The following MYO16 variants were observed in gnomAD, a reference collection of about 807,000 sequenced individuals.
MYO16 encodes the protein unconventional myosin-XVI.
MYO16 carries 94 observed loss-of-function variants against 205.3 expected under a neutral mutation model. The ratio of observed to expected loss-of-function variants is 0.46; its 90% CI spans 0.39 to 0.54. The LOEUF is 0.54. Ranked by LOEUF, MYO16 falls within the 20% of genes least tolerant of loss-of-function variation. The probability of loss-of-function intolerance (pLI) is 0.00; values close to 1 mark genes in which losing one functional copy is unlikely to be tolerated. For synonymous variants in MYO16, 988 were observed against 954.0 expected, an observed-to-expected ratio of 1.04 and a Z score of -0.66; for missense variants, 2,315 against 2,387.5, an observed-to-expected ratio of 0.97 and a Z score of 0.63.
At chr13:108,991,011 A>G (rs778053120) in intron 20 of MYO16, among the ~76,000 whole-genome samples, 2 of 152,210 alleles carry the variant, frequency 1.3e-5, no homozygotes, top group Non-Finnish European at 2.9e-5. Flanking sequence ...TCCTATAAGA[A>G]CTATAATAAT....
intron 28 of MYO16, among the ~76,000 whole-genome samples, chr13:109,103,623 T>C (rs1889037618): frequency 6.6e-6 from 1 of 152,232 alleles, no homozygotes; most frequent in Admixed American, 6.5e-5. Context: ...AGGTTTTCTC[T>C]TCTCTCTTTA....
At chr13:109,192,434 C>CATT (rs1476958945) in intron 34 of MYO16, among the ~76,000 whole-genome samples, 1 of 152,176 alleles carries the variant, frequency 6.6e-6, no homozygotes, top group African/African-American at 2.4e-5. Flanking sequence ...TTTGTACCCA[C>CATT]ATTATTTGTT....
chr13:108,549,058 G>A, the MYO16 span, among the ~76,000 whole-genome samples: 6 of 152,182 alleles, frequency 3.9e-5, no homozygotes, highest in African/African-American at 1.2e-4. Flanking sequence ...GCAGGGATTT[G>A]GAGAGAATCT....
chr13:108,997,408 GAGGAAAGGAA>G (rs71125358), intron 21 of MYO16, among the ~76,000 whole-genome samples: 2,029 of 84,190 alleles, frequency 0.024, 42 homozygotes, highest in South Asian at 0.052. Flanking sequence ...GGGAGAGTGG[GAGGAAAGGAA>G]AGGAAAGGAA....
intron 28 of MYO16, among the ~76,000 whole-genome samples, chr13:109,106,295 T>C (rs574225446): frequency 4.5e-4 from 68 of 152,356 alleles, no homozygotes; most frequent in African/African-American, 1.5e-3. Flanking sequence ...ATTATTGTTA[T>C]TATTCAGGTA....
intron 16 of MYO16, among the ~76,000 whole-genome samples, chr13:108,935,733 T>A (rs1882450030): frequency 1.3e-5 from 2 of 152,156 alleles, no homozygotes; most frequent in Admixed American, 6.5e-5. Flanking sequence ...AACTTTTGCC[T>A]GTTCAGTACG....
At chr13:108,959,198 C>T (rs1228917067) in intron 17 of MYO16, among the ~76,000 whole-genome samples, 1 of 152,146 alleles carries the variant, frequency 6.6e-6, no homozygotes, top group Non-Finnish European at 1.5e-5. Flanking sequence ...TTCTTTTTGG[C>T]TCTGATTACC....
intron 3 of MYO16, among the ~76,000 whole-genome samples, chr13:108,719,525 A>C (rs1045654752): frequency 7.2e-5 from 11 of 151,786 alleles, no homozygotes; most frequent in African/African-American, 2.7e-4. Flanking sequence ...GTCATCCCCC[A>C]GTTGTAGGTT....
At chr13:108,935,221 T>A (rs1446124314) in intron 16 of MYO16, among the ~76,000 whole-genome samples, 2 of 152,204 alleles carry the variant, frequency 1.3e-5, no homozygotes, top group South Asian at 2.1e-4. Context: ...AGTATGGTCA[T>A]ATTAGTGATA....
chr13:108,993,270 G>A (rs753995171), intron 21 of MYO16, among the ~76,000 whole-genome samples: 4 of 152,072 alleles, frequency 2.6e-5, no homozygotes, highest in Non-Finnish European at 5.9e-5. Context: ...TTTTAGTAGC[G>A]TCGATTTCTT....
At chr13:108,532,608 C>T in the MYO16 span, among the ~76,000 whole-genome samples, 2 of 150,300 alleles carry the variant, frequency 1.3e-5, no homozygotes, top group South Asian at 2.1e-4. Context: ...GCTTGGGCAA[C>T]ATAGTGAGAC....
chr13:108,899,615 T>C (rs1880610487), intron 15 of MYO16, among the ~76,000 whole-genome samples: 1 of 152,156 alleles, frequency 6.6e-6, no homozygotes, highest in South Asian at 2.1e-4. Context: ...GCTCTGGTTT[T>C]CAAGTCTCAG....
chr13:108,753,384 A>AAAAAAAAAC lies in MYO16; in HGVS notation c.507+25809_507+25810insCAAAAAAAA, dbSNP rs1555344228. Reference sequence around the variant, plus strand: ...AAACTCTGTGACAAAAAAAAAAAAAAAAAAAAAAAAACAATAAAATATAAC... The same window carrying AAAAAAAAAC: ...AAACTCTGTGACAAAAAAAAAAAAAAAAAAAAAACAAAAAAAAAAACAATAAAATATAAC... On this transcript the variant is annotated intron_variant, in intron 4 of 34. Coordinates refer to ENST00000457511, the MANE Select transcript of MYO16 (RefSeq NM_001198950.3). 1.0e-3 allele frequency among the ~76,000 whole-genome samples: 145 copies of AAAAAAAAAC among 145,686 alleles called. 1 individual carries two copies. The highest frequency in any genetic ancestry group is 4.0e-3 in the African/African-American group (142 of 35,746).
chr13:108,778,798 A>G (rs1190000260), intron 4 of MYO16, among the ~76,000 whole-genome samples: 2 of 152,166 alleles, frequency 1.3e-5, no homozygotes, highest in South Asian at 2.1e-4. Flanking sequence ...TTTGTATTGA[A>G]CAGTCAGCAA....
chr13:108,634,260 T>C (rs537740558), intron 1 of MYO16, among the ~76,000 whole-genome samples: 1 of 152,238 alleles, frequency 6.6e-6, no homozygotes, highest in South Asian at 2.1e-4. Flanking sequence ...CCTCCCACCA[T>C]TAAATCTGCA....
the MYO16 span, among the ~76,000 whole-genome samples, chr13:108,569,021 A>T: frequency 6.6e-6 from 1 of 151,996 alleles, no homozygotes; most frequent in Non-Finnish European, 1.5e-5. Context: ...TTTGATCTAT[A>T]TGTCTGATTT....
chr13:108,692,728 AATGTGCTTATTAATG>A (rs1334010542), intron 2 of MYO16, among the ~76,000 whole-genome samples: 1 of 152,202 alleles, frequency 6.6e-6, no homozygotes, highest in Non-Finnish European at 1.5e-5. Flanking sequence ...TTAAAAGAAA[AATGTGCTTATTAATG>A]AAGTACAAAA....
chr13:108,590,924 G>C, the MYO16 span, among the ~76,000 whole-genome samples: 4 of 152,188 alleles, frequency 2.6e-5, no homozygotes, highest in Non-Finnish European at 5.9e-5. Context: ...AAGCCACCAT[G>C]TTTGTGCTAC....
chr13:108,507,736 G>C, the MYO16 span, among the ~76,000 whole-genome samples: 1 of 151,640 alleles, frequency 6.6e-6, no homozygotes, highest in African/African-American at 2.4e-5. Context: ...TTTCTTCTGG[G>C]TCTCTCATAA....
Sources: allele counts gnomAD v4.1 joint callset (sites outside exome capture counted in the v4.1 genomes callset), GRCh38; gene constraint gnomAD v4.1.1; transcripts MANE v1.5; gene names NCBI Gene and HGNC (gene_info 2026-07-23, HGNC 2026-07-21).